The following PRKAR2A variants were observed in gnomAD, a reference collection of about 807,000 sequenced individuals.
The protein encoded by PRKAR2A is protein kinase cAMP-dependent type II regulatory subunit alpha.
PRKAR2A carries 29 observed loss-of-function variants against 51.9 expected under a neutral mutation model. That is an observed-to-expected ratio of 0.56 (90% CI 0.42 to 0.76). The LOEUF is 0.76. Ranked by LOEUF, PRKAR2A falls within the 30% of genes least tolerant of loss-of-function variation. The pLI is 0.00. For synonymous variants in PRKAR2A, 178 were observed against 186.2 expected, an observed-to-expected ratio of 0.96 and a Z score of 0.36; for missense variants, 445 against 512.1, an observed-to-expected ratio of 0.87 and a Z score of 1.26.
intron 1 of PRKAR2A, among the ~76,000 whole-genome samples, chr3:48,841,007 G>A (rs1435125591): frequency 2.7e-5 from 4 of 148,286 alleles, no homozygotes; most frequent in African/African-American, 7.5e-5. Context: ...TCAGCCTCCC[G>A]AGTAGCTGGG....
In PRKAR2A at chr3:48,841,543, C is replaced by CAAA. The variant is rs397874491; in HGVS notation, c.262+5789_262+5791dup. Among the ~76,000 whole-genome samples, 6 of 59,520 alleles carry CAAA rather than the reference C, an allele frequency of 1.0e-4. 1 individual carries two copies. The highest frequency in any genetic ancestry group is 8.3e-4 in the South Asian group (1 of 1,212). The allele number at this position is 59,520 out of a possible 152,430, so 39.0% of individuals were successfully genotyped here. A position where few individuals can be genotyped will look rare whatever the true frequency, so the allele number is the denominator to read the frequency against. Reference sequence around the variant, plus strand: ...TGGGTGACAGAACAAGACTCTGTCTCAAAAAAAAAAAAAAAAAAAAAAAAA... The same window carrying CAAA: ...TGGGTGACAGAACAAGACTCTGTCTCAAAAAAAAAAAAAAAAAAAAAAAAAAAA... On this transcript the variant is annotated intron_variant, in intron 1 of 10. Transcript: ENST00000265563.
At chr3:48,832,238 G>A (rs189497889) in intron 1 of PRKAR2A, among the ~76,000 whole-genome samples, 118 of 149,006 alleles carry the variant, frequency 7.9e-4, no homozygotes, top group African/African-American at 2.5e-3. Context: ...AGGTTGCAGC[G>A]AGCCGAGATC....
intron 1 of PRKAR2A, among the ~76,000 whole-genome samples, chr3:48,812,570 C>T (rs1056203986): frequency 6.6e-6 from 1 of 151,788 alleles, no homozygotes; most frequent in Non-Finnish European, 1.5e-5. Flanking sequence ...GCAAGCTCCG[C>T]CTCCCAGGTT....
chr3:48,810,185 AAT>A (rs1190962573), intron 1 of PRKAR2A, among the ~76,000 whole-genome samples: 1 of 151,994 alleles, frequency 6.6e-6, no homozygotes, highest in Non-Finnish European at 1.5e-5. Flanking sequence ...CAGTTCTAGG[AAT>A]ATGTTCTAAA....
At chr3:48,780,475 C>T (rs1482752897) in intron 5 of PRKAR2A, among the ~76,000 whole-genome samples, 2 of 151,464 alleles carry the variant, frequency 1.3e-5, no homozygotes, top group Admixed American at 6.6e-5. Flanking sequence ...TGGTGACGGG[C>T]GCCTGTAGTC....
chr3:48,789,864 T>C (rs1575881607), intron 4 of PRKAR2A, among the ~76,000 whole-genome samples: 1 of 151,830 alleles, frequency 6.6e-6, no homozygotes, highest in Non-Finnish European at 1.5e-5. Flanking sequence ...TTTTGTTCCT[T>C]CCTTCCTTTC....
chr3:48,777,977 G>A (rs1355337864), intron 5 of PRKAR2A, among the ~76,000 whole-genome samples: 1 of 152,150 alleles, frequency 6.6e-6, no homozygotes, highest in Non-Finnish European at 1.5e-5. Flanking sequence ...ATTTCAGGCA[G>A]CAGCACTGCA....
chr3:48,780,205 T>C (rs999115217), intron 5 of PRKAR2A, among the ~76,000 whole-genome samples: 8 of 151,982 alleles, frequency 5.3e-5, no homozygotes, highest in African/African-American at 1.9e-4. Context: ...ACTTGTAGAA[T>C]TTCTGTGTAA....
chr3:48,833,722 A>G (rs576949485), intron 1 of PRKAR2A, among the ~76,000 whole-genome samples: 9 of 149,562 alleles, frequency 6.0e-5, no homozygotes, highest in East Asian at 2.0e-4. Context: ...AAAAAAAAAA[A>G]AAAGAAAGAA....
At chr3:48,828,480 G>A (rs2083106120) in intron 1 of PRKAR2A, among the ~76,000 whole-genome samples, 1 of 152,050 alleles carries the variant, frequency 6.6e-6, no homozygotes, top group Admixed American at 6.6e-5. Flanking sequence ...TACTTTGGGA[G>A]GCTGAGGCAG....
intron 1 of PRKAR2A, among the ~76,000 whole-genome samples, chr3:48,813,690 T>A (rs988261009): frequency 6.6e-6 from 1 of 151,122 alleles, no homozygotes; most frequent in African/African-American, 2.4e-5. Context: ...CGAGACTCCA[T>A]CTCAAAAAAA....
rs1253605778 is a variant in PRKAR2A, at chr3:48,765,324, A to G, written c.722T>C (p.Ile241Thr). ...CCTCTTCTTTGCATTATTTTTCACT[A>G]TGATTCTTCTAAAAGTCACCCGGTC... ...GLDRVTFRRIIVKNNAKKRKM... is the reference protein window; with the variant it reads ...GLDRVTFRRITVKNNAKKRKM... Residue 241 changes from isoleucine (I) to threonine (T), a missense_variant, in exon 7 of 11, where the codon ATA (isoleucine) becomes ACA (threonine). Ile to Thr is a moderately conservative substitution (Grantham distance 89). Transcript: ENST00000265563. 2 of 1,611,538 alleles carry G rather than the reference A, an allele frequency of 1.2e-6. No homozygotes were observed. Among genetic ancestry groups the G allele is most frequent in the East Asian group, 2.2e-5 (1 of 44,842 alleles).
At chr3:48,806,380 CAG>C (rs1185342944) in intron 2 of PRKAR2A, among the ~76,000 whole-genome samples, 1 of 152,050 alleles carries the variant, frequency 6.6e-6, no homozygotes, top group Non-Finnish European at 1.5e-5. Flanking sequence ...AAATAAATTC[CAG>C]AGTTATCAAA....
In PRKAR2A at chr3:48,782,380, C is replaced by A. The variant is rs1180331224; in HGVS notation, c.542+606G>T. Among the ~76,000 whole-genome samples, 4 of 151,916 alleles carry A rather than the reference C, an allele frequency of 2.6e-5. No individual in the cohort carries two copies. In the East Asian group the frequency reaches 7.7e-4, roughly 29 times the overall value. ...AAGGAATCAATTCACTTGACACTGG[C>A]AAATAACATGTTTATAAAGCACACC... On this transcript the variant is annotated intron_variant, in intron 5 of 10. Coordinates refer to ENST00000265563, the MANE Select transcript of PRKAR2A (RefSeq NM_004157.4).
intron 5 of PRKAR2A, among the ~76,000 whole-genome samples, chr3:48,775,898 A>G (rs2082098178): frequency 6.6e-6 from 1 of 152,108 alleles, no homozygotes; most frequent in Non-Finnish European, 1.5e-5. Flanking sequence ...ACCTGAGGTC[A>G]GGAGTTCGAG....
intron 1 of PRKAR2A, among the ~76,000 whole-genome samples, chr3:48,838,070 C>T (rs1269458771): frequency 2.0e-5 from 3 of 151,536 alleles, no homozygotes; most frequent in Admixed American, 6.6e-5. Context: ...CCCAGCTACT[C>T]GGGAGGCTGA....
At chr3:48,773,339 CTTTTTTTTTTTT>C (rs34140561) in intron 5 of PRKAR2A, among the ~76,000 whole-genome samples, 1 of 87,660 alleles carries the variant, frequency 1.1e-5, no homozygotes, top group African/African-American at 4.7e-5. Flanking sequence ...ATTTTCTTTT[CTTTTTTTTTTTT>C]TTTTTTTTTT....
In PRKAR2A at chr3:48,751,255, G is replaced by GCTT. The variant is rs1345030642; in HGVS notation, c.*329_*330insAAG. 2.0e-6 allele frequency: 1 copy of GCTT among 494,952 alleles called. No homozygotes were observed. The highest frequency in any genetic ancestry group is 2.3e-5 in the Admixed American group (1 of 43,362). The allele number at this position is 494,952 out of a possible 1,614,324, so 30.7% of individuals were successfully genotyped here. A position where few individuals can be genotyped will look rare whatever the true frequency, so the allele number is the denominator to read the frequency against. On this transcript the variant is annotated 3_prime_UTR_variant, in exon 11 of 11. Coordinates refer to ENST00000265563, the MANE Select transcript of PRKAR2A (RefSeq NM_004157.4). ...GCAAGAGTAGCAGCAAGAGAGGAAA[G>GCTT]GAGCATGTTTATACTTTGGACTTTG...
chr3:48,761,445 T>C (rs928691871), intron 8 of PRKAR2A, among the ~76,000 whole-genome samples: 2 of 152,186 alleles, frequency 1.3e-5, no homozygotes, highest in African/African-American at 2.4e-5. Flanking sequence ...AGATGTGCTA[T>C]AGATGGAAAA....
Sources: gnomAD v4.1 joint callset for allele counts (sites outside exome capture counted in the v4.1 genomes callset) on GRCh38, gnomAD v4.1.1 for gene constraint, MANE v1.5 for transcripts, NCBI Gene and HGNC (gene_info 2026-07-23, HGNC 2026-07-21) for gene names.